Variants in PPM1B observed in about 807,000 individuals in gnomAD.
PPM1B encodes protein phosphatase, Mg2+/Mn2+ dependent 1B, also known as protein phosphatase 1B.
A neutral mutation model predicts 43.0 loss-of-function variants in PPM1B; 22 were observed. The ratio of observed to expected loss-of-function variants is 0.51; its 90% CI spans 0.37 to 0.73. PPM1B has a LOEUF of 0.73. Among genes scored for constraint, PPM1B ranks in the 30% least tolerant of loss-of-function variants. PPM1B has a pLI of 0.00. For missense variants in PPM1B, 632 were observed against 584.2 expected (o/e 1.08, Z -0.84); for synonymous variants, 217 against 197.9 (o/e 1.10, Z -0.81).
intron 2 of PPM1B, among the ~76,000 whole-genome samples, chr2:44,204,682 C>T (rs932810879): frequency 6.6e-6 from 1 of 151,694 alleles, no homozygotes; most frequent in African/African-American, 2.4e-5. Flanking sequence ...CGCAGTGAAA[C>T]CCCGTCTCTA....
chr2:44,183,401 A>C (rs10495915), intron 1 of PPM1B, among the ~76,000 whole-genome samples: 23,709 of 152,184 alleles, frequency 0.16, 2,000 homozygotes, highest in South Asian at 0.24. Context: ...AAATATCTGC[A>C]CAGAGTAGGA....
At chr2:44,234,177 A>G (rs1670546001), downstream of PPM1B, 4 of 981,680 alleles carry the variant, frequency 4.1e-6, no homozygotes, top group Non-Finnish European at 4.8e-6. Flanking sequence ...ACTGTACAGG[A>G]CAATATTAAC....
At chr2:44,210,737 A>G (rs1406230838) in intron 3 of PPM1B, among the ~76,000 whole-genome samples, 4 of 151,680 alleles carry the variant, frequency 2.6e-5, no homozygotes, top group African/African-American at 9.7e-5. Context: ...CATATTACTA[A>G]CCTTTTTCCT....
chr2:44,199,083 C>A (rs1304931675), intron 1 of PPM1B, among the ~76,000 whole-genome samples: 1 of 151,754 alleles, frequency 6.6e-6, no homozygotes, highest in Non-Finnish European at 1.5e-5. Flanking sequence ...ATAGTGAAAC[C>A]CCATCTCTAC....
intron 5 of PPM1B, among the ~76,000 whole-genome samples, chr2:44,226,735 C>CTTT (rs60750702): frequency 1.4e-3 from 95 of 66,578 alleles, no homozygotes; most frequent in East Asian, 2.4e-3. Flanking sequence ...AGGTTTTTAT[C>CTTT]TTTTTTTTTT....
Position 44,230,733 on chromosome 2 carries a change from A to G in PPM1B, c.*15A>G, listed in dbSNP as rs1558433452. 1 of 1,598,984 alleles carries G rather than the reference A, an allele frequency of 6.3e-7. No individual in the cohort carries two copies. The highest frequency in any genetic ancestry group is 8.5e-7 in the Non-Finnish European group (1 of 1,169,962). ...AAAAAATATGACTTTCCTTTTTGGT[A>G]ATATTTTTGTGATCTTTGATGGTTT... On this transcript the variant is annotated 3_prime_UTR_variant, in exon 6 of 6. Transcript: ENST00000282412.
chr2:44,205,346 T>TGTGTGTCG (rs1669130552), intron 2 of PPM1B, among the ~76,000 whole-genome samples: 2 of 145,946 alleles, frequency 1.4e-5, no homozygotes, highest in African/African-American at 5.4e-5. Context: ...GGTGTGGGTG[T>TGTGTGTCG]GGGTGTGGGT....
chr2:44,224,110 A>G (rs767246026), intron 5 of PPM1B, among the ~76,000 whole-genome samples: 5 of 152,074 alleles, frequency 3.3e-5, no homozygotes, highest in Non-Finnish European at 1.5e-5. Flanking sequence ...CATAAGAAAC[A>G]TTTTTACTAG....
intron 5 of PPM1B, chr2:44,230,085 G>C (rs1237592005): frequency 1.3e-6 from 2 of 1,520,918 alleles, no homozygotes; most frequent in Admixed American, 4.9e-5. Context: ...AAATCATATA[G>C]CCAAATATTG....
chr2:44,235,253 G>A (rs1670578341), downstream of PPM1B, among the ~76,000 whole-genome samples: 1 of 152,176 alleles, frequency 6.6e-6, no homozygotes, highest in Non-Finnish European at 1.5e-5. Context: ...GAAAATACTG[G>A]TTCACTGAAT....
intron 2 of PPM1B, among the ~76,000 whole-genome samples, chr2:44,206,388 C>G (rs770958735): frequency 6.6e-6 from 1 of 152,158 alleles, no homozygotes; most frequent in Non-Finnish European, 1.5e-5. Flanking sequence ...GGAAAGCCAT[C>G]TTTACATAGA....
At chr2:44,186,488 C>A (rs1338421540) in intron 1 of PPM1B, among the ~76,000 whole-genome samples, 1 of 152,206 alleles carries the variant, frequency 6.6e-6, no homozygotes, top group African/African-American at 2.4e-5. Flanking sequence ...CCCGCCTCAG[C>A]CTCCCAGGTA....
chr2:44,240,515 A>G lies in PPM1B; in HGVS notation n.1547-3713A>G, dbSNP rs72800992. ...ATTCTGTCTTATTTAAAATGTTTATATTATGTTCGTCATTTTGCATTAGTT... is the reference window on the plus strand; with the variant it reads ...ATTCTGTCTTATTTAAAATGTTTATGTTATGTTCGTCATTTTGCATTAGTT... On this transcript the variant is annotated intron_variant and non_coding_transcript_variant, in intron 5 of 5. Coordinates refer to the PPM1B transcript ENST00000378540. 3.5e-5 allele frequency among the ~76,000 whole-genome samples: 5 copies of G among 144,128 alleles called. 2 individuals carry two copies. The highest frequency in any genetic ancestry group is 7.7e-5 in the Non-Finnish European group (5 of 64,834). The allele number at this position is 144,128 out of a possible 152,430, so 94.6% of individuals were successfully genotyped here.
chr2:44,227,083 C>A (rs1670252450), intron 5 of PPM1B, among the ~76,000 whole-genome samples: 1 of 151,462 alleles, frequency 6.6e-6, no homozygotes, highest in African/African-American at 2.4e-5. Flanking sequence ...AAGTGATCCT[C>A]CCACCTTAGC....
At chr2:44,215,566 A>G (rs1669681759) in intron 3 of PPM1B, among the ~76,000 whole-genome samples, 1 of 152,176 alleles carries the variant, frequency 6.6e-6, no homozygotes, top group Non-Finnish European at 1.5e-5. Flanking sequence ...TTTTGTGGTA[A>G]ATACATTCTG....
chr2:44,233,759 T>C (rs772464206), downstream of PPM1B: 26 of 985,720 alleles, frequency 2.6e-5, no homozygotes, highest in Non-Finnish European at 3.1e-5. Flanking sequence ...TTTGATTTAT[T>C]GTGCACCTGA....
intron 1 of PPM1B, among the ~76,000 whole-genome samples, chr2:44,186,450 C>G (rs1558395089): frequency 6.6e-6 from 1 of 152,140 alleles, no homozygotes; most frequent in Non-Finnish European, 1.5e-5. Context: ...CTCACTGCAC[C>G]CTCCACCTCC....
intron 3 of PPM1B, among the ~76,000 whole-genome samples, chr2:44,214,561 G>C (rs1669633662): frequency 6.6e-6 from 1 of 152,102 alleles, no homozygotes; most frequent in Admixed American, 6.5e-5. Context: ...AAGATAAGTG[G>C]AATTTATAAC....
intron 1 of PPM1B, among the ~76,000 whole-genome samples, chr2:44,190,264 C>T (rs540976804): frequency 6.6e-6 from 1 of 151,640 alleles, no homozygotes; most frequent in East Asian, 1.9e-4. Context: ...AAGCAAGTCT[C>T]CTGCCTCAGC....
Sources: allele counts gnomAD v4.1 joint callset (sites outside exome capture counted in the v4.1 genomes callset), GRCh38; gene constraint gnomAD v4.1.1; transcripts MANE v1.5; gene names NCBI Gene and HGNC (gene_info 2026-07-23, HGNC 2026-07-21).